LHPP: variants seen among roughly 807,000 people sequenced by gnomAD.
LHPP encodes hLHPP.
A neutral mutation model predicts 30.3 loss-of-function variants in LHPP; 24 were observed. The ratio of observed to expected loss-of-function variants is 0.79; its 90% confidence interval spans 0.57 to 1.11. The LOEUF (loss-of-function observed/expected upper bound fraction) is 1.11. Ranked by LOEUF, LHPP falls within the 50% of genes most tolerant of loss-of-function variation. The pLI is 0.00. For synonymous variants in LHPP, 150 were observed against 157.1 expected (o/e 0.95, Z 0.34); for missense variants, 356 against 367.2 (o/e 0.97, Z 0.25).
At chr10:124,600,624 C>T (rs1949008995) in intron 6 of LHPP, among the ~76,000 whole-genome samples, 1 of 152,218 alleles carries the variant, frequency 6.6e-6, no homozygotes, top group South Asian at 2.1e-4. Context: ...TGTGGCCCCT[C>T]GTGCTGGATG....
chr10:124,494,952 C>T (rs533768301), intron 3 of LHPP, among the ~76,000 whole-genome samples: 2 of 152,240 alleles, frequency 1.3e-5, no homozygotes, highest in Non-Finnish European at 2.9e-5. Context: ...ATTTGCAGCA[C>T]CAGCCAGTGC....
At chr10:124,553,076 C>G (rs902629376) in intron 6 of LHPP, among the ~76,000 whole-genome samples, 1 of 152,256 alleles carries the variant, frequency 6.6e-6, no homozygotes, top group African/African-American at 2.4e-5. Context: ...ACAAGGGGGC[C>G]TTCTGGGGAC....
chr10:124,504,599 C>CAAAA (rs59159229), intron 5 of LHPP, among the ~76,000 whole-genome samples: 94 of 105,752 alleles, frequency 8.9e-4, no homozygotes, highest in African/African-American at 2.3e-3. Flanking sequence ...GACCCTGTCT[C>CAAAA]AAAAAAAAAA....
In LHPP at chr10:124,585,647, A is replaced by C. The variant is rs1451801884; in HGVS notation, c.717-27617A>C. 2.6e-5 allele frequency among the ~76,000 whole-genome samples: 4 copies of C among 151,896 alleles called. No homozygotes were observed. In the South Asian group the frequency reaches 8.3e-4, roughly 32 times the overall value. ...AAAAAAGAAAAAGAAAAAAAAGAAA[A>C]GATAAGGAGCCTTGCTGTGTTGCTC... On this transcript the variant is annotated intron_variant, in intron 6 of 6. Coordinates refer to ENST00000368842, the MANE Select transcript of LHPP (RefSeq NM_022126.4).
In LHPP at chr10:124,478,521, G is replaced by A. The variant is rs570826928; in HGVS notation, c.126-5618G>A. ...GGGCTAGCTATTGAGCTGTCCCAAG[G>A]TCACTCAGGATGTCCAATAATTGTC... On this transcript the variant is annotated intron_variant, in intron 1 of 6. Transcript: ENST00000368842. This position sits in a 1 kb window ranked among gnomAD's most constrained non-coding sequence, Gnocchi z 4.7. 6.6e-6 allele frequency among the ~76,000 whole-genome samples: 1 copy of A among 152,338 alleles called. No homozygotes were observed. Among genetic ancestry groups the A allele is most frequent in the East Asian group, 1.9e-4 (1 of 5,178 alleles).
chr10:124,565,048 C>T (rs1363284615), intron 6 of LHPP, among the ~76,000 whole-genome samples: 1 of 152,018 alleles, frequency 6.6e-6, no homozygotes, highest in Admixed American at 6.6e-5. Context: ...GTCCAGCAAG[C>T]GCTCTGTGTG....
chr10:124,530,132 C>A (rs1384699823), intron 6 of LHPP, among the ~76,000 whole-genome samples: 1 of 152,156 alleles, frequency 6.6e-6, no homozygotes, highest in African/African-American at 2.4e-5. Flanking sequence ...GGGCAGGGGC[C>A]AGCAAGGATC....
At chr10:124,603,744 C>G (rs772804463) in intron 6 of LHPP, among the ~76,000 whole-genome samples, 1 of 152,228 alleles carries the variant, frequency 6.6e-6, no homozygotes, top group Non-Finnish European at 1.5e-5. Flanking sequence ...CAGGACCCAG[C>G]TGGCTTCAAT....
At chr10:124,519,918 C>T (rs1043466397) in intron 6 of LHPP, among the ~76,000 whole-genome samples, 4 of 151,968 alleles carry the variant, frequency 2.6e-5, no homozygotes, top group East Asian at 1.9e-4. Context: ...CTGCAAGCTC[C>T]GCCTCCCGGG....
At chr10:124,563,313 C>T (rs201529699) in intron 6 of LHPP, among the ~76,000 whole-genome samples, 225 of 138,998 alleles carry the variant, frequency 1.6e-3, no homozygotes, top group Non-Finnish European at 2.7e-3. Context: ...CTCTCTTTTT[C>T]TTTTTTTTTT....
At chr10:124,467,710 T>TTG (rs1952595533) in intron 1 of LHPP, among the ~76,000 whole-genome samples, 2 of 148,930 alleles carry the variant, frequency 1.3e-5, no homozygotes, top group Admixed American at 6.7e-5. Context: ...GTGTGTGTTT[T>TTG]TTGTTGTTGT....
chr10:124,532,964 C>T (rs1005191073), intron 6 of LHPP, among the ~76,000 whole-genome samples: 3 of 152,354 alleles, frequency 2.0e-5, no homozygotes, highest in Admixed American at 2.0e-4. Flanking sequence ...CTTTGCCCCA[C>T]TGCTTGCTGG....
At chr10:124,528,294 C>T (rs952794985) in intron 6 of LHPP, among the ~76,000 whole-genome samples, 27 of 152,264 alleles carry the variant, frequency 1.8e-4, no homozygotes, top group Non-Finnish European at 3.4e-4. Flanking sequence ...GTGTGGTCCA[C>T]CACATGGTCA....
At chr10:124,550,041 C>T (rs1321345765) in intron 6 of LHPP, among the ~76,000 whole-genome samples, 4 of 152,264 alleles carry the variant, frequency 2.6e-5, no homozygotes, top group Non-Finnish European at 5.9e-5. Flanking sequence ...GCCAGGCTTC[C>T]AGCCAGTGCT....
intron 6 of LHPP, among the ~76,000 whole-genome samples, chr10:124,534,215 GC>G (rs1954965279): frequency 6.6e-6 from 1 of 152,270 alleles, no homozygotes; most frequent in Non-Finnish European, 1.5e-5. Context: ...CATGTCATAG[GC>G]TTGGCGGCCC....
chr10:124,575,132 G>A (rs1202356842), intron 6 of LHPP, among the ~76,000 whole-genome samples: 1 of 151,738 alleles, frequency 6.6e-6, no homozygotes, highest in Non-Finnish European at 1.5e-5. Context: ...CCCAAATATT[G>A]AGCAATTACA....
At chr10:124,492,034 G>A (rs1953548409) in intron 3 of LHPP, among the ~76,000 whole-genome samples, 1 of 152,186 alleles carries the variant, frequency 6.6e-6, no homozygotes, top group Non-Finnish European at 1.5e-5. Flanking sequence ...CAGAAGATCT[G>A]ACAATACGGA....
At chr10:124,577,661 CAT>C (rs71842073) in intron 6 of LHPP, among the ~76,000 whole-genome samples, 35,885 of 112,772 alleles carry the variant, frequency 0.32, 4,652 homozygotes, top group South Asian at 0.43. Context: ...CCATCCTACA[CAT>C]GTGTGCACAC....
intron 6 of LHPP, among the ~76,000 whole-genome samples, chr10:124,612,634 T>C (rs934172522): frequency 2.0e-5 from 3 of 152,192 alleles, no homozygotes; most frequent in African/African-American, 4.8e-5. Context: ...CCTCAGGAGA[T>C]GCCTGGGGAA....
Sources: allele counts gnomAD v4.1 joint callset (sites outside exome capture counted in the v4.1 genomes callset), GRCh38; gene constraint gnomAD v4.1.1; non-coding constraint Gnocchi (gnomAD v3.1); transcripts MANE v1.5; gene names NCBI Gene and HGNC (gene_info 2026-07-23, HGNC 2026-07-21).